NAV2: variants seen among roughly 807,000 people sequenced by gnomAD.
The protein encoded by NAV2 is helicase, APC down-regulated 1.
In NAV2, 54 loss-of-function variants were observed where a neutral mutation model predicts 223.2. The ratio of observed to expected loss-of-function variants is 0.24; its 90% CI spans 0.19 to 0.30. The LOEUF (loss-of-function observed/expected upper bound fraction) is 0.30. Among genes scored for constraint, NAV2 ranks in the 10% least tolerant of loss-of-function variants. The probability of loss-of-function intolerance (pLI) is 1.00; values close to 1 mark genes in which losing one functional copy is unlikely to be tolerated. For synonymous variants in NAV2, 1,279 were observed against 1,239.3 expected (o/e 1.03, Z -0.67); for missense variants, 2,806 against 3,147.5 (o/e 0.89, Z 2.60).
chr11:19,778,549 A>G (rs746245248), intron 1 of NAV2, among the ~76,000 whole-genome samples: 9 of 152,212 alleles, frequency 5.9e-5, no homozygotes, highest in Non-Finnish European at 1.0e-4. Flanking sequence ...AGAAAGAAAG[A>G]AAAGAAAGTC....
At chr11:19,621,428 T>C (rs992578293) in intron 1 of NAV2, among the ~76,000 whole-genome samples, 1 of 152,238 alleles carries the variant, frequency 6.6e-6, no homozygotes, top group Non-Finnish European at 1.5e-5. Flanking sequence ...TGCCTCAATT[T>C]CGGAGCCTGT....
intron 1 of NAV2, among the ~76,000 whole-genome samples, chr11:19,442,535 C>T (rs1204243817): frequency 6.6e-6 from 1 of 152,218 alleles, no homozygotes; most frequent in East Asian, 1.9e-4. Context: ...AGGTGCATTT[C>T]TCAAATGTGA....
intron 5 of NAV2, among the ~76,000 whole-genome samples, chr11:19,886,542 A>G (rs2040995237): frequency 6.6e-6 from 1 of 152,204 alleles, no homozygotes; most frequent in South Asian, 2.1e-4. Flanking sequence ...GTCCCTTCTC[A>G]GTTAGGTTGA....
intron 36 of NAV2, among the ~76,000 whole-genome samples, chr11:20,108,290 A>G (rs2062315696): frequency 6.6e-6 from 1 of 152,128 alleles, no homozygotes; most frequent in African/African-American, 2.4e-5. Flanking sequence ...AAGGTCTGGG[A>G]TTTGAATCCA....
chr11:20,077,905 C>T, intron 23 of NAV2, 88 bp from the exon 24 acceptor site: 1 of 1,032,598 alleles, frequency 9.7e-7, no homozygotes, highest in Non-Finnish European at 1.5e-6. Flanking sequence ...TTCATTCCCG[C>T]TCCTCCTGTG....
At chr11:19,985,059 A>C (rs2050656503) in intron 11 of NAV2, among the ~76,000 whole-genome samples, 1 of 152,230 alleles carries the variant, frequency 6.6e-6, no homozygotes, top group South Asian at 2.1e-4. Flanking sequence ...GATGAGATGT[A>C]ACATGGAATT....
At chr11:19,846,831 A>G (rs2585782) in intron 3 of NAV2, among the ~76,000 whole-genome samples, 42,047 of 152,054 alleles carry the variant, frequency 0.28, 6,506 homozygotes, top group South Asian at 0.45. Flanking sequence ...GAGGCACAGC[A>G]GTGGCTTCCC....
At chr11:20,045,892 G>C (rs547093024) in intron 14 of NAV2, among the ~76,000 whole-genome samples, 1 of 152,266 alleles carries the variant, frequency 6.6e-6, no homozygotes, top group African/African-American at 2.4e-5. Context: ...TCAAATCTTA[G>C]GTCCATTTTA....
chr11:19,782,492 A>G (rs1428255808), intron 1 of NAV2, among the ~76,000 whole-genome samples: 8 of 151,976 alleles, frequency 5.3e-5, no homozygotes, highest in East Asian at 1.9e-4. Flanking sequence ...TACTTATGCA[A>G]TTGTTTTTGT....
At chr11:19,393,677 C>A (rs765170878) in intron 1 of NAV2, among the ~76,000 whole-genome samples, 11 of 152,064 alleles carry the variant, frequency 7.2e-5, no homozygotes, top group Non-Finnish European at 1.5e-4. Context: ...TGAAAAGTAC[C>A]TTTTGTAGAC....
intron 11 of NAV2, among the ~76,000 whole-genome samples, chr11:20,008,314 C>T (rs921987435): frequency 6.6e-6 from 1 of 152,086 alleles, no homozygotes; most frequent in Non-Finnish European, 1.5e-5. Context: ...GCCGAGATCG[C>T]ACCACTGTAC....
chr11:19,554,773 C>T (rs991848415), intron 1 of NAV2, among the ~76,000 whole-genome samples: 3 of 151,966 alleles, frequency 2.0e-5, no homozygotes, highest in African/African-American at 7.3e-5. Flanking sequence ...TCGAGACCAG[C>T]CTGACCAACA....
intron 1 of NAV2, among the ~76,000 whole-genome samples, chr11:19,689,975 CT>C (rs1426885298): frequency 3.9e-5 from 6 of 152,224 alleles, no homozygotes; most frequent in Admixed American, 2.6e-4. Flanking sequence ...TTTTATTTTA[CT>C]TTTTATTTTT....
intron 36 of NAV2, among the ~76,000 whole-genome samples, chr11:20,110,054 A>G (rs1488017281): frequency 6.6e-6 from 1 of 152,172 alleles, no homozygotes; most frequent in Non-Finnish European, 1.5e-5. Context: ...ATCATAGAGG[A>G]TCATTGGGCG....
upstream of NAV2, among the ~76,000 whole-genome samples, chr11:19,349,628 C>T (rs141287728): frequency 6.6e-4 from 100 of 152,258 alleles, no homozygotes; most frequent in African/African-American, 2.3e-3. Flanking sequence ...AAAGAGCTCC[C>T]CAGCCCCCAT....
chr11:20,082,024 T>C lies in NAV2; in HGVS notation c.5326-983T>C, dbSNP rs1207717989. Among the ~76,000 whole-genome samples, 17 of 152,318 alleles carry C rather than the reference T, an allele frequency of 1.1e-4. No individual in the cohort carries two copies. In the East Asian group the frequency reaches 2.7e-3, roughly 24 times the overall value. On this transcript the variant is annotated intron_variant, in intron 25 of 37. Transcript: ENST00000349880. ...CTCATGATTTGGGGAAATTGTAATA[T>C]ACTAGTTCCTTTTCCCCCCATATGG...
intron 1 of NAV2, among the ~76,000 whole-genome samples, chr11:19,810,866 T>A (rs2058802453): frequency 6.6e-6 from 1 of 152,236 alleles, no homozygotes; most frequent in Admixed American, 6.5e-5. Flanking sequence ...ATATTTCTCC[T>A]TTGTACCTTT....
Position 19,378,508 on chromosome 11 carries a change from C to T in NAV2, c.75+27481C>T, listed in dbSNP as rs137870969. Among the ~76,000 whole-genome samples the T allele has an allele frequency of 4.6e-3, 696 of 152,040 alleles. 8 individuals are homozygous for T. Among genetic ancestry groups the T allele is most frequent in the African/African-American group, 0.016 (655 of 41,476 alleles). ...ATAGATGCCATGCACGGAATCAGCG[C>T]GCACCCTTAATAAAGAGCGGCGCCT... On this transcript the variant is annotated intron_variant, in intron 1 of 37. Coordinates refer to the NAV2 transcript ENST00000360655.
At chr11:19,367,696 T>C (rs969790512) in intron 1 of NAV2, among the ~76,000 whole-genome samples, 6 of 152,118 alleles carry the variant, frequency 3.9e-5, no homozygotes, top group African/African-American at 1.4e-4. Context: ...ATGTCCATCC[T>C]TGTGGGCCCT....
Sources: allele counts gnomAD v4.1 joint callset (sites outside exome capture counted in the v4.1 genomes callset), GRCh38; gene constraint gnomAD v4.1.1; transcripts MANE v1.5; gene names NCBI Gene and HGNC (gene_info 2026-07-23, HGNC 2026-07-21).